ZNF385B: variants seen among roughly 807,000 people sequenced by gnomAD.
ZNF385B encodes the protein zinc finger protein 533.
ZNF385B carries 23 observed loss-of-function variants against 39.2 expected under a neutral mutation model. That is an observed-to-expected ratio of 0.59 (90% CI 0.42 to 0.83). The LOEUF (loss-of-function observed/expected upper bound fraction) is 0.83. Among genes scored for constraint, ZNF385B ranks in the 40% least tolerant of loss-of-function variants. The probability of loss-of-function intolerance (pLI) is 0.00; values close to 1 mark genes in which losing one functional copy is unlikely to be tolerated. For synonymous variants in ZNF385B, 205 were observed against 222.6 expected (o/e 0.92, Z 0.70); for missense variants, 552 against 598.9 (o/e 0.92, Z 0.82).
rs191807879 is a variant in ZNF385B, at chr2:179,540,120, C to G, written c.441+4707G>C. On this transcript the variant is annotated intron_variant, in intron 4 of 9. Coordinates refer to ENST00000410066, the MANE Select transcript of ZNF385B (RefSeq NM_152520.6). The stretch of plus-strand genomic sequence containing the variant: ...AGAGCTGGGCACTATAGCTGGAAGA[C>G]AGTTTATAACTATTGCCTTTAGATT... Among the ~76,000 whole-genome samples the G allele has an allele frequency of 1.8e-3, 281 of 152,276 alleles. 1 individual carries two copies. The highest frequency in any genetic ancestry group is 5.9e-3 in the African/African-American group (244 of 41,558).
At chr2:179,802,666 C>G (rs1706106161) in intron 1 of ZNF385B, 1 of 152,070 alleles carries the variant, frequency 6.6e-6, no homozygotes, top group African/African-American at 2.4e-5. Context: ...ACCATTATGT[C>G]ACCCTCTGAT....
chr2:179,605,667 A>T (rs1461338982), intron 3 of ZNF385B, among the ~76,000 whole-genome samples: 1 of 152,208 alleles, frequency 6.6e-6, no homozygotes, highest in Non-Finnish European at 1.5e-5. Context: ...AATTGTCAGA[A>T]ATCATTATCT....
At chr2:179,573,341 G>A (rs1685446808) in intron 3 of ZNF385B, among the ~76,000 whole-genome samples, 1 of 152,058 alleles carries the variant, frequency 6.6e-6, no homozygotes, top group Non-Finnish European at 1.5e-5. Flanking sequence ...AGACTTGGAT[G>A]AAAGGAATAG....
At chr2:179,504,623 G>A (rs1034589728) in intron 5 of ZNF385B, among the ~76,000 whole-genome samples, 2 of 151,738 alleles carry the variant, frequency 1.3e-5, no homozygotes, top group African/African-American at 4.9e-5. Flanking sequence ...TTCTCTGATG[G>A]CCAGTGATGA....
chr2:179,675,829 C>T lies in ZNF385B; in HGVS notation c.298+93674G>A, dbSNP rs554610893. Among the ~76,000 whole-genome samples the T allele has an allele frequency of 3.3e-5, 5 of 151,706 alleles. No individual in the cohort carries two copies. The South Asian group carries it at 6.3e-4, about 19-fold the overall frequency. On this transcript the variant is annotated intron_variant, in intron 3 of 9. Coordinates refer to ENST00000410066, the MANE Select transcript of ZNF385B (RefSeq NM_152520.6). ...TTTGAGATGGAGTCTCATTCTGTCA[C>T]CAGGCTAGAGTGCAGTGGCATGATC... is the stretch of plus-strand genomic sequence containing the variant.
chr2:179,723,263 T>G (rs1312556403), intron 3 of ZNF385B, among the ~76,000 whole-genome samples: 3 of 152,212 alleles, frequency 2.0e-5, no homozygotes, highest in African/African-American at 4.8e-5. Flanking sequence ...GCACATCTCT[T>G]AAACCTGAAA....
chr2:179,471,102 T>C (rs531242336), intron 6 of ZNF385B, among the ~76,000 whole-genome samples: 1 of 152,312 alleles, frequency 6.6e-6, no homozygotes, highest in Admixed American at 6.5e-5. Context: ...TAGGGGTTTG[T>C]TATCATGCTA....
chr2:179,714,949 A>AAAAAAAAAAAAAC (rs1553516035), intron 3 of ZNF385B, among the ~76,000 whole-genome samples: 10 of 150,892 alleles, frequency 6.6e-5, no homozygotes, highest in African/African-American at 2.2e-4. Flanking sequence ...TCTCAAAAAA[A>AAAAAAAAAAAAAC]AAAAAAAAAA....
At chr2:179,467,804 T>C (rs1232634954) in intron 6 of ZNF385B, among the ~76,000 whole-genome samples, 1 of 145,898 alleles carries the variant, frequency 6.9e-6, no homozygotes, top group Admixed American at 6.7e-5. Flanking sequence ...GCATGTCCTT[T>C]AGAAAAAAAA....
At chr2:179,453,701 T>C (rs1401948017) in intron 6 of ZNF385B, among the ~76,000 whole-genome samples, 1 of 152,178 alleles carries the variant, frequency 6.6e-6, no homozygotes, top group Admixed American at 6.6e-5. Flanking sequence ...GCCAACAGGA[T>C]GATTTGAAAG....
chr2:179,736,180 G>C (rs190012035), intron 3 of ZNF385B, among the ~76,000 whole-genome samples: 79 of 152,124 alleles, frequency 5.2e-4, no homozygotes, highest in African/African-American at 1.8e-3. Flanking sequence ...ATTAGGTGAA[G>C]GACTATTTTT....
chr2:179,458,720 TA>T (rs2050975416), intron 6 of ZNF385B, among the ~76,000 whole-genome samples: 1 of 152,334 alleles, frequency 6.6e-6, no homozygotes, highest in African/African-American at 2.4e-5. Flanking sequence ...ACACTCTTAG[TA>T]AATGGAGAAG....
intron 3 of ZNF385B, among the ~76,000 whole-genome samples, chr2:179,678,385 T>G (rs940009328): frequency 5.9e-5 from 9 of 152,284 alleles, no homozygotes; most frequent in Non-Finnish European, 1.2e-4. Context: ...CAGGCAAGTG[T>G]GCCATGTGAC....
intron 3 of ZNF385B, among the ~76,000 whole-genome samples, chr2:179,621,549 G>C (rs575486572): frequency 1.3e-5 from 2 of 152,286 alleles, no homozygotes; most frequent in South Asian, 2.1e-4. Flanking sequence ...GTCACTTAAC[G>C]TAAGTTTGCA....
chr2:179,577,092 A>G (rs961130945), intron 3 of ZNF385B, among the ~76,000 whole-genome samples: 1 of 152,168 alleles, frequency 6.6e-6, no homozygotes, highest in Non-Finnish European at 1.5e-5. Flanking sequence ...ATTATCTGCA[A>G]ATGAATATTT....
intron 1 of ZNF385B, among the ~76,000 whole-genome samples, chr2:179,771,268 G>C (rs1302198724): frequency 6.6e-6 from 1 of 152,142 alleles, no homozygotes; most frequent in Non-Finnish European, 1.5e-5. Flanking sequence ...ACCCTATCTG[G>C]AGTGTTCACA....
At chr2:179,805,149 G>A (rs1038587564) in intron 1 of ZNF385B, among the ~76,000 whole-genome samples, 3 of 152,112 alleles carry the variant, frequency 2.0e-5, no homozygotes, top group African/African-American at 7.2e-5. Context: ...TTGGAACCCG[G>A]CCACTGTACT....
chr2:179,769,470 G>A (rs558942606), intron 3 of ZNF385B, 33 bp downstream of exon 3: 52 of 1,609,720 alleles, frequency 3.2e-5, no homozygotes, highest in Middle Eastern at 3.8e-4. Flanking sequence ...ATCTCTCCCC[G>A]CAGCACATGG....
intron 3 of ZNF385B, among the ~76,000 whole-genome samples, chr2:179,642,877 G>C (rs763966014): frequency 1.1e-4 from 16 of 152,072 alleles, no homozygotes; most frequent in Non-Finnish European, 1.9e-4. Flanking sequence ...TGAATATTCT[G>C]TGTGGCAAAA....
Sources: gnomAD v4.1 joint callset for allele counts (sites outside exome capture counted in the v4.1 genomes callset) on GRCh38, gnomAD v4.1.1 for gene constraint, MANE v1.5 for transcripts, NCBI Gene and HGNC (gene_info 2026-07-23, HGNC 2026-07-21) for gene names.